The following GLYATL2 variants were observed in gnomAD, a reference collection of about 807,000 sequenced individuals.
The protein encoded by GLYATL2 is glycine N-acyltransferase-like protein 2.
GLYATL2 carries 25 observed loss-of-function variants against 21.4 expected under a neutral mutation model. The observed-to-expected ratio is 1.17, with a 90% CI of 0.85 to 1.63. The LOEUF is 1.63. Ranked by LOEUF, GLYATL2 falls within the 40% of genes most tolerant of loss-of-function variation. The probability of loss-of-function intolerance (pLI) is 0.00; values close to 1 mark genes in which losing one functional copy is unlikely to be tolerated. For synonymous variants in GLYATL2, 114 were observed against 118.2 expected, an observed-to-expected ratio of 0.96 and a Z score of 0.23; for missense variants, 361 against 343.3, an observed-to-expected ratio of 1.05 and a Z score of -0.41.
chr11:58,851,454 A>C (rs1853740042), intron 1 of GLYATL2, among the ~76,000 whole-genome samples: 1 of 152,216 alleles, frequency 6.6e-6, no homozygotes, highest in African/African-American at 2.4e-5. Flanking sequence ...GGTCATGATG[A>C]ATAATCTTTC....
At chr11:58,871,611 A>G (rs1434766526) in intron 1 of GLYATL2, among the ~76,000 whole-genome samples, 53 of 152,060 alleles carry the variant, frequency 3.5e-4, no homozygotes, top group Non-Finnish European at 5.9e-5. Context: ...AACGACATGA[A>G]CTCATCCTTT....
At chr11:58,849,790 G>T (rs1215928288) in intron 1 of GLYATL2, among the ~76,000 whole-genome samples, 1 of 152,274 alleles carries the variant, frequency 6.6e-6, no homozygotes, top group East Asian at 1.9e-4. Context: ...CTGCTGGTAG[G>T]TGGGGGCCTG....
chr11:58,873,725 A>G (rs1854169781), intron 1 of GLYATL2, among the ~76,000 whole-genome samples: 1 of 152,284 alleles, frequency 6.6e-6, no homozygotes, highest in East Asian at 1.9e-4. Context: ...AATGTTCATC[A>G]AGGATATTGG....
intron 1 of GLYATL2, among the ~76,000 whole-genome samples, chr11:58,887,764 AT>A (rs1420677885): frequency 1.3e-5 from 2 of 152,304 alleles, no homozygotes; most frequent in East Asian, 3.9e-4. Flanking sequence ...CAAATTGTTC[AT>A]ACTTCTTTGC....
chr11:58,868,845 C>T (rs1268394328), intron 1 of GLYATL2, among the ~76,000 whole-genome samples: 1 of 148,982 alleles, frequency 6.7e-6, no homozygotes, highest in Non-Finnish European at 1.5e-5. Context: ...ATTTGTGGGC[C>T]CAGACAGAAG....
chr11:58,906,925 G>A (rs1159704227), upstream of GLYATL2, among the ~76,000 whole-genome samples: 1 of 152,094 alleles, frequency 6.6e-6, no homozygotes, highest in Non-Finnish European at 1.5e-5. Context: ...GCTACACCCC[G>A]ACATACTGAA....
chr11:58,879,112 T>A (rs1854288357), intron 1 of GLYATL2, among the ~76,000 whole-genome samples: 1 of 151,944 alleles, frequency 6.6e-6, no homozygotes. Flanking sequence ...GGAAAAAAAA[T>A]AAAGAAAAAT....
Position 58,878,059 on chromosome 11 carries a change from C to A in GLYATL2, n.60+26097G>T, listed in dbSNP as rs150821271. ...TACAAGGCAAACACCCAGTTGTAAC[C>A]AATCTCAGTTTCTGTACTTCACTTC... On this transcript the variant is annotated intron_variant and non_coding_transcript_variant, in intron 1 of 4. Transcript: ENST00000533636. Among the ~76,000 whole-genome samples, 325 of 152,300 alleles carry A rather than the reference C, an allele frequency of 2.1e-3. 2 individuals are homozygous for A. The highest frequency in any genetic ancestry group is 5.2e-3 in the Admixed American group (79 of 15,296).
intron 1 of GLYATL2, among the ~76,000 whole-genome samples, chr11:58,899,360 C>G (rs189699743): frequency 6.6e-6 from 1 of 152,118 alleles, no homozygotes; most frequent in African/African-American, 2.4e-5. Context: ...CCTCACTGCC[C>G]CTCTTGAAGC....
intron 3 of GLYATL2, among the ~76,000 whole-genome samples, chr11:58,838,008 C>T (rs1431900185): frequency 6.6e-6 from 1 of 152,180 alleles, no homozygotes; most frequent in African/African-American, 2.4e-5. Flanking sequence ...TTCCTATGAT[C>T]AGAATCTTGA....
upstream of GLYATL2, among the ~76,000 whole-genome samples, chr11:58,847,995 G>A (rs979024968): frequency 4.0e-5 from 4 of 100,462 alleles, no homozygotes; most frequent in African/African-American, 1.4e-4. Flanking sequence ...CAGAGAGAGA[G>A]GCTTTTTTTT....
chr11:58,867,163 C>T (rs1425629688), intron 1 of GLYATL2, among the ~76,000 whole-genome samples: 1 of 148,828 alleles, frequency 6.7e-6, no homozygotes, highest in Non-Finnish European at 1.5e-5. Context: ...CATTGCCACT[C>T]TTTGTAGTAT....
intron 5 of GLYATL2, 80 bp downstream of exon 5, chr11:58,836,935 T>A: frequency 7.8e-7 from 1 of 1,276,786 alleles, no homozygotes; most frequent in South Asian, 1.4e-5. Flanking sequence ...TAGTCTCAAA[T>A]CCTACATTTC....
At chr11:58,874,166 T>C (rs886135571) in intron 1 of GLYATL2, among the ~76,000 whole-genome samples, 2 of 152,214 alleles carry the variant, frequency 1.3e-5, no homozygotes, top group Non-Finnish European at 2.9e-5. Context: ...TTGCATCTAT[T>C]TGATTCTCCT....
intron 1 of GLYATL2, among the ~76,000 whole-genome samples, chr11:58,891,799 G>A (rs1322775790): frequency 6.6e-6 from 1 of 152,188 alleles, no homozygotes; most frequent in Non-Finnish European, 1.5e-5. Context: ...GATATGTGTG[G>A]CCCAAGAGGT....
chr11:58,900,775 C>T (rs1391016633), intron 1 of GLYATL2, among the ~76,000 whole-genome samples: 2 of 152,120 alleles, frequency 1.3e-5, no homozygotes, highest in African/African-American at 4.8e-5. Flanking sequence ...AAAATGCAGC[C>T]TCCTAAGAGA....
intron 1 of GLYATL2, among the ~76,000 whole-genome samples, chr11:58,879,750 G>C (rs1266930812): frequency 6.6e-6 from 1 of 152,140 alleles, no homozygotes; most frequent in Non-Finnish European, 1.5e-5. Context: ...GAAATGGATG[G>C]GGGTGATGCT....
chr11:58,846,337 C>G (rs1943283), upstream of GLYATL2, among the ~76,000 whole-genome samples: 120,061 of 151,962 alleles, frequency 0.79, 48,812 homozygotes, highest in East Asian at 0.96. Flanking sequence ...AACTTAACAA[C>G]TACACAGAAA....
chr11:58,834,382 A>G lies in GLYATL2; in HGVS notation c.*47T>C. ...GATCACAATGCTTGTGTTTGAATTA[A>G]TGTTTTTTTACTGATAAGAAAGATT... On this transcript the variant is annotated 3_prime_UTR_variant, in exon 6 of 6. Transcript: ENST00000287275. 6.9e-7 allele frequency: 1 copy of G among 1,450,458 alleles called. No homozygotes were observed. The highest frequency in any genetic ancestry group is 9.3e-7 in the Non-Finnish European group (1 of 1,073,036). 89.8% of individuals were successfully genotyped at this position (1,450,458 alleles called of 1,614,324 possible). A position where few individuals can be genotyped will look rare whatever the true frequency, so the allele number is the denominator to read the frequency against.
Sources: gnomAD v4.1 joint callset for allele counts (sites outside exome capture counted in the v4.1 genomes callset) on GRCh38, gnomAD v4.1.1 for gene constraint, MANE v1.5 for transcripts, NCBI Gene and HGNC (gene_info 2026-07-23, HGNC 2026-07-21) for gene names.